The following ADGRB3 variants were observed in gnomAD, a reference collection of about 807,000 sequenced individuals.
ADGRB3 encodes adhesion G protein-coupled receptor B3.
In ADGRB3, 37 loss-of-function variants were observed where a neutral mutation model predicts 193.4. The observed-to-expected ratio is 0.19, with a 90% CI of 0.15 to 0.25. The LOEUF is 0.25. Ranked by LOEUF, ADGRB3 falls within the 10% of genes least tolerant of loss-of-function variation. The pLI is 1.00. For missense variants in ADGRB3, 1,637 were observed against 1,852.9 expected (o/e 0.88, Z 2.14); for synonymous variants, 690 against 644.2 (o/e 1.07, Z -1.08).
chr6:68,831,046 G>A (rs963312703), intron 3 of ADGRB3, among the ~76,000 whole-genome samples: 4 of 151,868 alleles, frequency 2.6e-5, no homozygotes, highest in Non-Finnish European at 4.4e-5. Context: ...TATAGAAGGT[G>A]AATTGAGAAA....
At chr6:69,045,562 T>G (rs1771212078) in intron 13 of ADGRB3, among the ~76,000 whole-genome samples, 3 of 152,124 alleles carry the variant, frequency 2.0e-5, no homozygotes. Flanking sequence ...CTTATGCTAT[T>G]AGCTCAAATT....
chr6:68,641,516 A>G (rs973301469), intron 3 of ADGRB3, among the ~76,000 whole-genome samples: 3 of 152,232 alleles, frequency 2.0e-5, no homozygotes, highest in African/African-American at 7.2e-5. Context: ...AAAGTGCAGT[A>G]TGATGTTAAT....
At chr6:69,057,758 A>T (rs1771587995) in intron 15 of ADGRB3, among the ~76,000 whole-genome samples, 1 of 152,074 alleles carries the variant, frequency 6.6e-6, no homozygotes. Context: ...TTGTGGAAAC[A>T]TCTTTGCATT....
At chr6:68,840,603 A>C (rs1301483751) in intron 3 of ADGRB3, among the ~76,000 whole-genome samples, 1 of 151,714 alleles carries the variant, frequency 6.6e-6, no homozygotes, top group Non-Finnish European at 1.5e-5. Flanking sequence ...AATGGGAGGG[A>C]AAGACCTTGT....
intron 16 of ADGRB3, among the ~76,000 whole-genome samples, chr6:69,071,166 AT>A (rs1562146460): frequency 1.3e-5 from 2 of 152,196 alleles, no homozygotes; most frequent in Non-Finnish European, 2.9e-5. Flanking sequence ...TGTTGTGATC[AT>A]CTGCCTGCTC....
intron 3 of ADGRB3, among the ~76,000 whole-genome samples, chr6:68,823,359 A>G (rs1325298725): frequency 6.6e-5 from 10 of 151,988 alleles, no homozygotes; most frequent in Non-Finnish European, 1.0e-4. Context: ...GTTTCCCATC[A>G]TATGTTTTGG....
intron 3 of ADGRB3, among the ~76,000 whole-genome samples, chr6:68,733,208 G>A (rs1765804492): frequency 6.7e-6 from 1 of 149,176 alleles, no homozygotes; most frequent in Non-Finnish European, 1.5e-5. Flanking sequence ...ATCAGTGGTG[G>A]ATTGGATAAA....
intron 20 of ADGRB3, among the ~76,000 whole-genome samples, chr6:69,255,112 G>C (rs1239206239): frequency 6.6e-6 from 1 of 151,692 alleles, no homozygotes; most frequent in Non-Finnish European, 1.5e-5. Context: ...TATCACTGTT[G>C]GACATTTGGG....
chr6:69,334,415 G>A (rs1768797653), intron 24 of ADGRB3, among the ~76,000 whole-genome samples: 1 of 152,150 alleles, frequency 6.6e-6, no homozygotes, highest in Non-Finnish European at 1.5e-5. Context: ...TATCATTTAT[G>A]TAAAACATTA....
intron 17 of ADGRB3, among the ~76,000 whole-genome samples, chr6:69,206,113 G>T (rs1365793777): frequency 2.2e-5 from 3 of 137,648 alleles, no homozygotes; most frequent in Admixed American, 1.5e-4. Context: ...CTATCATAAG[G>T]TCCCACAATA....
rs186129839 is a variant in ADGRB3 at position 69,323,910 on chromosome 6, G to T, written c.2815-962G>T. 3.6e-3 allele frequency among the ~76,000 whole-genome samples: 542 copies of T among 151,818 alleles called. 2 individuals are homozygous for T. The highest frequency in any genetic ancestry group is 0.012 in the African/African-American group (487 of 41,444). On this transcript the variant is annotated intron_variant, in intron 20 of 31. Transcript: ENST00000370598. ...GTTATAGTTTTATTTCTTTGTATTGGTTTTTTTTACAATTTTTAAAATTCT... is the reference window on the plus strand; with the variant it reads ...GTTATAGTTTTATTTCTTTGTATTGTTTTTTTTTACAATTTTTAAAATTCT...
chr6:69,308,616 G>A (rs796633715), intron 20 of ADGRB3, among the ~76,000 whole-genome samples: 13 of 151,726 alleles, frequency 8.6e-5, no homozygotes, highest in African/African-American at 3.1e-4. Context: ...TTAGTTGTAG[G>A]AAAATGCGAA....
intron 30 of ADGRB3, among the ~76,000 whole-genome samples, chr6:69,379,674 A>G (rs1409956100): frequency 2.0e-5 from 3 of 151,996 alleles, no homozygotes; most frequent in Non-Finnish European, 4.4e-5. Context: ...TCATGCTTGG[A>G]CAATCAAACT....
At chr6:69,233,930 G>A (rs1766206597) in intron 18 of ADGRB3, among the ~76,000 whole-genome samples, 1 of 152,094 alleles carries the variant, frequency 6.6e-6, no homozygotes, top group Admixed American at 6.5e-5. Flanking sequence ...TGGCTGTCAG[G>A]AACTGTAAAA....
chr6:69,332,346 G>GA, intron 23 of ADGRB3: 1 of 985,408 alleles, frequency 1.0e-6, no homozygotes, highest in South Asian at 4.7e-5. Context: ...TGTCCATTGT[G>GA]AAAAAGATTC....
intron 3 of ADGRB3, among the ~76,000 whole-genome samples, chr6:68,897,765 G>T (rs1040498778): frequency 1.4e-5 from 2 of 140,682 alleles, no homozygotes; most frequent in South Asian, 2.3e-4. Flanking sequence ...GAGGAAAAGG[G>T]AGGGAGGAAG....
chr6:69,276,595 T>G (rs1767307776), intron 20 of ADGRB3, among the ~76,000 whole-genome samples: 1 of 152,088 alleles, frequency 6.6e-6, no homozygotes, highest in South Asian at 2.1e-4. Flanking sequence ...CATTTTGACC[T>G]TTTTTTCCCC....
chr6:68,813,875 AG>A (rs1199434034), intron 3 of ADGRB3, among the ~76,000 whole-genome samples: 13 of 152,188 alleles, frequency 8.5e-5, no homozygotes, highest in Admixed American at 5.2e-4. Context: ...GTCCCTACAA[AG>A]GACATGAACT....
intron 13 of ADGRB3, among the ~76,000 whole-genome samples, chr6:69,044,319 C>T (rs1203290819): frequency 6.6e-6 from 1 of 152,134 alleles, no homozygotes; most frequent in African/African-American, 2.4e-5. Context: ...ACTGATGCAT[C>T]AAATTACCTC....
Sources: gnomAD v4.1 joint callset for allele counts (sites outside exome capture counted in the v4.1 genomes callset) on GRCh38, gnomAD v4.1.1 for gene constraint, MANE v1.5 for transcripts, NCBI Gene and HGNC (gene_info 2026-07-23, HGNC 2026-07-21) for gene names.